The following SLFNL1 variants were observed in gnomAD, a reference collection of about 807,000 sequenced individuals.
SLFNL1 encodes the protein schlafen-like protein 1.
SLFNL1 carries 26 observed loss-of-function variants against 32.5 expected under a neutral mutation model. That is an observed-to-expected ratio of 0.80 (90% CI 0.59 to 1.11). The LOEUF is 1.11. Ranked by LOEUF, SLFNL1 falls within the 50% of genes least tolerant of loss-of-function variation. The pLI, the probability that SLFNL1 is intolerant of heterozygous loss-of-function variation, is 0.00. For synonymous variants in SLFNL1, 255 were observed against 242.2 expected (o/e 1.05, Z -0.49); for missense variants, 553 against 546.5 (o/e 1.01, Z -0.12).
At chr1:41,020,138 CTCCATCCCCACTCTGCAG>C in intron 3 of SLFNL1, 70 bp downstream of exon 3, 1 of 1,366,160 alleles carries the variant, frequency 7.3e-7, no homozygotes, top group Non-Finnish European at 9.9e-7. Flanking sequence ...AGAGACACCC[CTCCATCCCCACTCTGCAG>C]GCCACTCCCA....
In SLFNL1 at chr1:41,017,585, G is replaced by A. The variant is rs1168716563; in HGVS notation, c.957+50C>T. 2.7e-6 allele frequency: 4 copies of A among 1,509,290 alleles called. No individual in the cohort carries two copies. In the South Asian group the frequency reaches 5.3e-5, roughly 20 times the overall value. The allele number at this position is 1,509,290 out of a possible 1,614,324, so 93.5% of individuals were successfully genotyped here. A position where few individuals can be genotyped will look rare whatever the true frequency, so the allele number is the denominator to read the frequency against. ...CAGGAGTGCAGGCCATCGTCTTACT[G>A]AGTGATGACAGATGACAGGCCCAGA... On this transcript the variant is annotated intron_variant, in intron 4 of 5. Coordinates refer to ENST00000302946, the MANE Select transcript of SLFNL1 (RefSeq NM_144990.4). This position sits in a 1 kb window ranked among gnomAD's most constrained non-coding sequence, Gnocchi z 4.9.
In SLFNL1 at chr1:41,017,451, A is replaced by G; in HGVS notation, c.958-74T>C. ...CAGCCCCCATCCTGCCAGGCTGCTC[A>G]GCATTGCTCACTGATTCCTTAGGGC... On this transcript the variant is annotated intron_variant, in intron 4 of 5. Transcript: ENST00000302946. This position sits in a 1 kb window ranked among gnomAD's most constrained non-coding sequence, Gnocchi z 4.9. The G allele has an allele frequency of 6.4e-7, 1 of 1,555,848 alleles. No individual in the cohort carries two copies. The highest frequency in any genetic ancestry group is 8.7e-7 in the Non-Finnish European group (1 of 1,152,582).
rs1225751452 is a variant in SLFNL1 at position 41,017,075 on chromosome 1, T to C, written c.1101+159A>G. 26 of 832,604 alleles carry C rather than the reference T, an allele frequency of 3.1e-5. No individual in the cohort carries two copies. Among genetic ancestry groups the C allele is most frequent in the Non-Finnish European group, 3.5e-5 (20 of 570,146 alleles). The allele number at this position is 832,604 out of a possible 1,614,324, so 51.6% of individuals were successfully genotyped here. On this transcript the variant is annotated intron_variant, in intron 5 of 5. Transcript: ENST00000302946. This position sits in a 1 kb window ranked among gnomAD's most constrained non-coding sequence, Gnocchi z 4.9. ...TCCCACCAGCCACCTACCCGCGGAG[T>C]ATGGGATGTGGTGTGATTGTATTCC... is the stretch of plus-strand genomic sequence containing the variant.
Position 41,020,558 on chromosome 1 carries a change from TCAGGGACTGCTCTGCGGGTAGCTCCGG to T in SLFNL1, c.76_102del (p.Pro26_Leu34del), listed in dbSNP as rs774366339. On this transcript the variant is annotated inframe_deletion, in exon 3 of 6. Transcript: ENST00000302946. ...GCCTCCTCGAGGTCAGAGTACTCCGTCAGGGACTGCTCTGCGGGTAGCTCCGGCAGGGACTCCTCACCCCAGGACTCC... is the reference window on the plus strand; with the variant it reads ...GCCTCCTCGAGGTCAGAGTACTCCGTCAGGGACTCCTCACCCCAGGACTCC... The T allele has an allele frequency of 6.2e-7, 1 of 1,613,374 alleles. No homozygotes were observed. Among genetic ancestry groups the T allele is most frequent in the African/African-American group, 1.3e-5 (1 of 74,910 alleles).
intron 5 of SLFNL1, chr1:41,016,999 C>T (rs1475454801): frequency 4.4e-6 from 2 of 456,198 alleles, no homozygotes; most frequent in South Asian, 4.2e-5. Context: ...TGAGCCACTG[C>T]GCCTGGCCAC....
Position 41,016,191 on chromosome 1 carries a change from ATCTTC to A in SLFNL1, c.1134_1138del (p.Glu378AspfsTer44). ...CTCCTTCTCCATCATCAGCGCCTTC[ATCTTC>A]TCTTCCAGCTTGCCCAGCTCCACCA... is the stretch of plus-strand genomic sequence containing the variant. On this transcript the variant is annotated frameshift_variant, in exon 6 of 6. Transcript: ENST00000302946. LOFTEE classifies it high-confidence loss of function. The A allele has an allele frequency of 6.2e-7, 1 of 1,613,984 alleles. No individual in the cohort carries two copies. Among genetic ancestry groups the A allele is most frequent in the Non-Finnish European group, 8.5e-7 (1 of 1,179,944 alleles).
chr1:41,016,500 T>C, intron 5 of SLFNL1: 1 of 443,416 alleles, frequency 2.3e-6, no homozygotes, highest in East Asian at 4.6e-5. Flanking sequence ...CCATTCTCTG[T>C]TTCCCTCTTG....
chr1:41,017,043 TCTTC>T lies in SLFNL1; in HGVS notation c.1101+187_1101+190del. 2 of 634,578 alleles carry T rather than the reference TCTTC, an allele frequency of 3.2e-6. No homozygotes were observed. The highest frequency in any genetic ancestry group is 5.1e-6 in the Non-Finnish European group (2 of 395,420). The allele number at this position is 634,578 out of a possible 1,614,324, so 39.3% of individuals were successfully genotyped here. A position where few individuals can be genotyped will look rare whatever the true frequency, so the allele number is the denominator to read the frequency against. ...TTTTTAAAAGGAGAGAGCTTGGGCC[TCTTC>T]CTTCCCACCAGCCACCTACCCGCGG... On this transcript the variant is annotated intron_variant, in intron 5 of 5. Coordinates refer to ENST00000302946, the MANE Select transcript of SLFNL1 (RefSeq NM_144990.4). The surrounding 1 kb of genome is among the most constrained non-coding windows in gnomAD (Gnocchi z 4.9).
chr1:41,017,677 G>A lies in SLFNL1; in HGVS notation c.915C>T (p.Phe305=), dbSNP rs1428813225. 3 of 1,559,560 alleles carry A rather than the reference G, an allele frequency of 1.9e-6. No individual in the cohort carries two copies. The highest frequency in any genetic ancestry group is 2.6e-6 in the Non-Finnish European group (3 of 1,148,868). The part of the protein sequence containing the change: ...QIFPDAYTLT[F]IPVISTSETS... ...TCTCCGAGGTACTGATCACAGGGAT[G>A]AAGGTGAGAGTGTAGGCATCGGGAA... Residue 305 remains phenylalanine, a synonymous_variant, in exon 4 of 6, where the codon TTC becomes TTT. Coordinates refer to ENST00000302946, the MANE Select transcript of SLFNL1 (RefSeq NM_144990.4). This position sits in a 1 kb window ranked among gnomAD's most constrained non-coding sequence, Gnocchi z 4.9.
intron 5 of SLFNL1, chr1:41,016,586 T>C (rs2148432086): frequency 4.7e-6 from 1 of 213,922 alleles, no homozygotes; most frequent in Non-Finnish European, 9.3e-6. Context: ...GTGTATAGTC[T>C]TTGGGGTTTT....
At chr1:41,018,228 C>T in intron 3 of SLFNL1, 72 bp from the exon 4 acceptor site, 1 of 1,395,252 alleles carries the variant, frequency 7.2e-7, no homozygotes, top group Non-Finnish European at 9.4e-7. Context: ...AGAAGGACTG[C>T]AAGAACCCCC....
chr1:41,018,233 AC>A, intron 3 of SLFNL1, 77 bp from the exon 4 acceptor site: 1 of 1,375,304 alleles, frequency 7.3e-7, no homozygotes, highest in Non-Finnish European at 9.5e-7. Flanking sequence ...GACTGCAAGA[AC>A]CCCCAGTCAG....
In SLFNL1 at chr1:41,016,034, T is replaced by G; in HGVS notation, c.*72A>C. Reference sequence around the variant, plus strand: ...CCCGCATGGGCTTTACTGGTTGGCCTTACACTCAAACAGGAAATCCCTGGG... The same window carrying G: ...CCCGCATGGGCTTTACTGGTTGGCCGTACACTCAAACAGGAAATCCCTGGG... On this transcript the variant is annotated 3_prime_UTR_variant, in exon 6 of 6. Coordinates refer to ENST00000302946, the MANE Select transcript of SLFNL1 (RefSeq NM_144990.4). 2.6e-6 allele frequency: 4 copies of G among 1,556,606 alleles called. No individual in the cohort carries two copies. The highest frequency in any genetic ancestry group is 3.5e-6 in the Non-Finnish European group (4 of 1,149,294).
intron 3 of SLFNL1, among the ~76,000 whole-genome samples, chr1:41,018,697 T>C (rs1405114155): frequency 2.0e-5 from 3 of 152,114 alleles, no homozygotes; most frequent in Non-Finnish European, 4.4e-5. Flanking sequence ...CTGAATCTCC[T>C]TTCATGGTTT....
At chr1:41,021,485 T>C (rs907748102) in intron 1 of SLFNL1, 138 bp downstream of exon 1, 1 of 152,304 alleles carries the variant, frequency 6.6e-6, no homozygotes, top group Non-Finnish European at 1.5e-5. Context: ...TCCTGAGCTG[T>C]GCACATATGT....
chr1:41,017,549 G>A lies in SLFNL1; in HGVS notation c.957+86C>T. On this transcript the variant is annotated intron_variant, in intron 4 of 5. Transcript: ENST00000302946. The surrounding 1 kb of genome is among the most constrained non-coding windows in gnomAD (Gnocchi z 4.9). ...GGCCCCCAGTCCCGTCCCTGCCCCA[G>A]CACTGCCTGGCAGGAGTGCAGGCCA... 1 of 1,493,518 alleles carries A rather than the reference G, an allele frequency of 6.7e-7. No homozygotes were observed. Among genetic ancestry groups the A allele is most frequent in the Non-Finnish European group, 8.9e-7 (1 of 1,119,736 alleles). 92.5% of individuals were successfully genotyped at this position (1,493,518 alleles called of 1,614,324 possible). A position where few individuals can be genotyped will look rare whatever the true frequency, so the allele number is the denominator to read the frequency against.
At position 41,015,778 on chromosome 1, in the gene SLFNL1, C is replaced by T. The variant is rs780742358; in HGVS notation, c.*328G>A. ...GGCACTGTGTAGCCAACTGGAGTCA[C>T]AGACCTCAGCCTGGGCCAAATGAGC... On this transcript the variant is annotated 3_prime_UTR_variant, in exon 6 of 6. Coordinates refer to ENST00000302946, the MANE Select transcript of SLFNL1 (RefSeq NM_144990.4). 1.6e-5 allele frequency: 3 copies of T among 192,998 alleles called. No homozygotes were observed. The highest frequency in any genetic ancestry group is 2.3e-5 in the African/African-American group (1 of 43,086). 12.0% of individuals were successfully genotyped at this position (192,998 alleles called of 1,614,324 possible).
intron 3 of SLFNL1, among the ~76,000 whole-genome samples, chr1:41,019,600 G>T (rs1447508055): frequency 6.6e-6 from 1 of 152,170 alleles, no homozygotes; most frequent in Non-Finnish European, 1.5e-5. Flanking sequence ...TAAGCCCCCA[G>T]GTTCCTCTGC....
rs1643467142 is a variant in SLFNL1 at position 41,017,717 on chromosome 1, A to G, written c.875T>C (p.Phe292Ser). The G allele has an allele frequency of 6.3e-7, 1 of 1,598,766 alleles. No homozygotes were observed. The highest frequency in any genetic ancestry group is 8.5e-7 in the Non-Finnish European group (1 of 1,170,566). The change falls in exon 4 of 6, where the codon TTC becomes TCC. Residue 292 changes from phenylalanine to serine, a missense_variant. By Grantham distance (155) the Phe-to-Ser change is radical. Coordinates refer to ENST00000302946, the MANE Select transcript of SLFNL1 (RefSeq NM_144990.4). This position sits in a 1 kb window ranked among gnomAD's most constrained non-coding sequence, Gnocchi z 4.9. ...GGCATCGGGAAAGATCTGAGGCTTG[A>G]AGCCCTGCAGGATGGAGTCCACCAG... is the stretch of plus-strand genomic sequence containing the variant. Reference protein sequence around the residue: ...RLLVDSILQGFKPQIFPDAYT... With the variant: ...RLLVDSILQGSKPQIFPDAYT...
Sources: gnomAD v4.1 joint callset for allele counts (sites outside exome capture counted in the v4.1 genomes callset) on GRCh38, gnomAD v4.1.1 for gene constraint, Gnocchi (gnomAD v3.1) non-coding constraint, MANE v1.5 for transcripts, NCBI Gene and HGNC (gene_info 2026-07-23, HGNC 2026-07-21) for gene names.